Variants in ABHD18 observed in about 807,000 individuals in gnomAD.
ABHD18 encodes the protein cardiolipin-specific deacylase, mitochondrial.
Under a neutral mutation model 65.9 loss-of-function variants are expected in ABHD18, and 55 were observed. The observed-to-expected ratio is 0.84, with a 90% CI of 0.67 to 1.05. The LOEUF is 1.05. ABHD18 is among the 50% of genes least tolerant of loss of function. The pLI is 0.00. For missense variants in ABHD18, 533 were observed against 558.5 expected (o/e 0.95, Z 0.46); for synonymous variants, 181 against 180.2 (o/e 1.00, Z -0.04).
chr4:128,031,992 C>T (rs1038771083), intron 12 of ABHD18, among the ~76,000 whole-genome samples: 7 of 152,104 alleles, frequency 4.6e-5, no homozygotes, highest in African/African-American at 1.2e-4. Flanking sequence ...TACATGTGAA[C>T]GCAGAGGACC....
Position 128,039,484 on chromosome 4 carries a change from CT to C in ABHD18, c.*3672del, listed in dbSNP as rs1759175121. On this transcript the variant is annotated 3_prime_UTR_variant, in exon 13 of 13. Transcript: ENST00000645843. ...CTGAAGACCTCTAAGTTTGAGACCC[CT>C]GATTTAGATCTGTAATTAGAAAAAG... 1.3e-5 allele frequency: 2 copies of C among 151,970 alleles called. No homozygotes were observed. The highest frequency in any genetic ancestry group is 4.1e-4 in the South Asian group (2 of 4,820). 9.4% of individuals were successfully genotyped at this position (151,970 alleles called of 1,614,324 possible).
chr4:127,989,957 T>C, intron 4 of ABHD18, 136 bp downstream of exon 4: 1 of 548,922 alleles, frequency 1.8e-6, no homozygotes, highest in Non-Finnish European at 3.2e-6. Context: ...AGAAGATATT[T>C]TAATTCTTCA....
At chr4:127,969,105 G>A (rs1475093209) in intron 1 of ABHD18, among the ~76,000 whole-genome samples, 2 of 151,978 alleles carry the variant, frequency 1.3e-5, no homozygotes, top group Admixed American at 6.6e-5. Context: ...GGTAAATATA[G>A]TAAGGAATAT....
intron 4 of ABHD18, among the ~76,000 whole-genome samples, chr4:127,992,943 A>C (rs1372477967): frequency 6.6e-6 from 1 of 152,172 alleles, no homozygotes; most frequent in Non-Finnish European, 1.5e-5. Flanking sequence ...AAAAAAATAG[A>C]AAATAAATTA....
At chr4:127,985,995 C>T (rs192607498) in intron 3 of ABHD18, among the ~76,000 whole-genome samples, 2 of 152,134 alleles carry the variant, frequency 1.3e-5, no homozygotes, top group African/African-American at 2.4e-5. Flanking sequence ...AGCCTGGCAA[C>T]AGAGCTAGAC....
In ABHD18 at chr4:128,021,166, G is replaced by A. The variant is rs538053877; in HGVS notation, c.729G>A (p.Arg243=). The part of the protein sequence containing the change: ...TGVLSKSINW[R]ELEKQYYTQT... The stretch of plus-strand genomic sequence containing the variant: ...TGTTGAGTAAATCAATTAATTGGAG[G>A]GAGCTGGAAAAGCAATATTATACCC... The change falls in exon 10 of 13, where the codon AGG becomes AGA. Residue 243 remains arginine (R), a synonymous_variant. Transcript: ENST00000645843. 1.9e-4 allele frequency: 288 copies of A among 1,547,940 alleles called. 12 individuals carry two copies. In the South Asian group the frequency reaches 3.1e-3, roughly 17 times the overall value.
At position 127,989,790 on chromosome 4, in the gene ABHD18, G is replaced by A; in HGVS notation, c.247G>A (p.Asp83Asn). 1 of 1,597,652 alleles carries A rather than the reference G, an allele frequency of 6.3e-7. No homozygotes were observed. Among genetic ancestry groups the A allele is most frequent in the Non-Finnish European group, 8.5e-7 (1 of 1,171,786 alleles). The stretch of plus-strand genomic sequence containing the variant: ...TTCCCCCATGGCTCACTATGTGCCT[G>A]ATATCATGCCAATTGAATCTGTTAT... ...FVSPMAHYVP[D>N]IMPIESVIAR... The change falls in exon 4 of 13, where the codon GAT (aspartate) becomes AAT (asparagine). Residue 83 changes from aspartate (D) to asparagine (N), a missense_variant. Physicochemically the swap from Asp to Asn is conservative, Grantham distance 23 (BLOSUM62 1). Around this residue, in one of 3 missense-constraint regions of ABHD18, gnomAD observed 309 missense variants for 313.5 expected, o/e 0.99. Transcript: ENST00000645843.
intron 2 of ABHD18, among the ~76,000 whole-genome samples, chr4:127,983,800 G>A (rs1749472064): frequency 6.6e-6 from 1 of 152,184 alleles, no homozygotes; most frequent in African/African-American, 2.4e-5. Context: ...GGGAGGTGGA[G>A]GTTGCAGTGA....
intron 11 of ABHD18, among the ~76,000 whole-genome samples, chr4:128,029,348 A>T (rs1484651624): frequency 1.3e-5 from 2 of 151,336 alleles, no homozygotes; most frequent in African/African-American, 4.9e-5. Context: ...TGACAGCAAG[A>T]CTCTCACACA....
At chr4:127,983,216 C>G (rs1204431111) in intron 2 of ABHD18, among the ~76,000 whole-genome samples, 169 bp downstream of exon 2, 1 of 152,112 alleles carries the variant, frequency 6.6e-6, no homozygotes, top group African/African-American at 2.4e-5. Flanking sequence ...AGTTATTTCT[C>G]TTAAATTTTA....
At chr4:127,977,043 A>G (rs1432219757) in intron 1 of ABHD18, among the ~76,000 whole-genome samples, 3 of 152,064 alleles carry the variant, frequency 2.0e-5, no homozygotes, top group African/African-American at 7.2e-5. Context: ...TCCATCTCAG[A>G]GAAAAAAAAA....
At chr4:128,011,589 G>C in intron 6 of ABHD18, 84 bp from the exon 7 acceptor site, 1 of 1,011,440 alleles carries the variant, frequency 9.9e-7, no homozygotes, top group Non-Finnish European at 1.4e-6. Flanking sequence ...ATTAAATTGT[G>C]TAAAATTTAA....
rs1395719686 is a variant in ABHD18 at position 128,021,102 on chromosome 4, A to C, written c.700-35A>C. The C allele has an allele frequency of 8.4e-6, 11 of 1,304,876 alleles. No homozygotes were observed. The Admixed American group carries it at 2.3e-4, about 28-fold the overall frequency. The allele number at this position is 1,304,876 out of a possible 1,614,324, so 80.8% of individuals were successfully genotyped here. Reference sequence around the variant, plus strand: ...AAAGTATTGGGCAAATTGCCTTATGATGTGGTTTGATCTTAATTTAGCTTA... The same window carrying C: ...AAAGTATTGGGCAAATTGCCTTATGCTGTGGTTTGATCTTAATTTAGCTTA... On this transcript the variant is annotated intron_variant, in intron 9 of 12. Transcript: ENST00000645843.
chr4:127,993,385 G>A (rs1354808961), intron 4 of ABHD18, among the ~76,000 whole-genome samples: 1 of 152,140 alleles, frequency 6.6e-6, no homozygotes, highest in African/African-American at 2.4e-5. Context: ...TCCTGTCTCT[G>A]CAGTGGCATA....
rs34575955 is a variant in ABHD18 at position 127,998,541 on chromosome 4, C to CTT, written c.278+8734_278+8735dup. Among the ~76,000 whole-genome samples the CTT allele has an allele frequency of 3.5e-3, 505 of 142,990 alleles. 6 individuals are homozygous for CTT. The highest frequency in any genetic ancestry group is 7.2e-3 in the South Asian group (32 of 4,464). 93.8% of individuals were successfully genotyped at this position (142,990 alleles called of 152,430 possible). On this transcript the variant is annotated intron_variant, in intron 4 of 12. Coordinates refer to ENST00000645843, the MANE Select transcript of ABHD18 (RefSeq NM_001358451.3). ...GGCGTGAGCCACTGCTCCCGGCTGACTTTTTTTTTTTTTTTAAGAGACTGG... is the reference window on the plus strand; with the variant it reads ...GGCGTGAGCCACTGCTCCCGGCTGACTTTTTTTTTTTTTTTTTAAGAGACTGG...
rs1157259170 is a variant in ABHD18, at chr4:128,039,145, A to G, written c.*3332A>G. The G allele has an allele frequency of 0.058, 114 of 1,976 alleles. 1 individual carries two copies. The highest frequency in any genetic ancestry group is 0.15 in the African/African-American group (103 of 694). The allele number at this position is 1,976 out of a possible 1,614,324, so 0.1% of individuals were successfully genotyped here. ...ATGTATTATATATACACACATATGC[A>G]TATATATATATATATATATATATAT... On this transcript the variant is annotated 3_prime_UTR_variant, in exon 13 of 13. Transcript: ENST00000645843.
At chr4:128,029,151 A>C (rs1757827456) in intron 11 of ABHD18, among the ~76,000 whole-genome samples, 1 of 151,944 alleles carries the variant, frequency 6.6e-6, no homozygotes, top group African/African-American at 2.4e-5. Flanking sequence ...CAGGAGTTCA[A>C]GACCAGCCTG....
intron 1 of ABHD18, among the ~76,000 whole-genome samples, chr4:127,967,376 C>T (rs1270602836): frequency 6.6e-6 from 1 of 152,090 alleles, no homozygotes; most frequent in Non-Finnish European, 1.5e-5. Context: ...TGATCCTAAG[C>T]CTGTGCTCTT....
At chr4:128,017,045 G>A (rs1042276805) in intron 7 of ABHD18, among the ~76,000 whole-genome samples, 4 of 152,006 alleles carry the variant, frequency 2.6e-5, no homozygotes, top group Admixed American at 6.6e-5. Flanking sequence ...AGTTTTCCAC[G>A]TAGCTGAGAT....
Sources: allele counts gnomAD v4.1 joint callset (sites outside exome capture counted in the v4.1 genomes callset), GRCh38; gene constraint gnomAD v4.1.1; regional missense constraint gnomAD v4.1.1; transcripts MANE v1.5; gene names NCBI Gene and HGNC (gene_info 2026-07-23, HGNC 2026-07-21).